PCDHGB1: variants seen among roughly 807,000 people sequenced by gnomAD.
PCDHGB1 encodes the protein protocadherin gamma-B1.
In PCDHGB1, 34 loss-of-function variants were observed where a neutral mutation model predicts 56.6. The observed-to-expected ratio is 0.60, with a 90% CI of 0.46 to 0.80. The LOEUF (loss-of-function observed/expected upper bound fraction) is 0.80, where lower values mean the gene tolerates loss of function less well. Among genes scored for constraint, PCDHGB1 ranks in the 30% least tolerant of loss-of-function variants. The probability of loss-of-function intolerance (pLI) is 0.00; values close to 1 mark genes in which losing one functional copy is unlikely to be tolerated. For synonymous variants in PCDHGB1, 561 were observed against 505.9 expected (o/e 1.11, Z -1.46); for missense variants, 1,278 against 1,204.6 (o/e 1.06, Z -0.90).
In PCDHGB1 at chr5:141,476,235, A is replaced by G; in HGVS notation, c.2410-18572A>G. ...GTCATTCACTATGAGATCCCGGAGG[A>G]AAGAGAGAAGGGTTTCGCTGTGGGC... is the stretch of plus-strand genomic sequence containing the variant. On this transcript the variant is annotated intron_variant, in intron 1 of 3. Coordinates refer to ENST00000523390, the MANE Select transcript of PCDHGB1 (RefSeq NM_018922.3). The surrounding 1 kb of genome is among the most constrained non-coding windows in gnomAD (Gnocchi z 7.6). 2 of 1,613,844 alleles carry G rather than the reference A, an allele frequency of 1.2e-6. No homozygotes were observed. Among genetic ancestry groups the G allele is most frequent in the Admixed American group, 1.7e-5 (1 of 59,990 alleles).
chr5:141,398,857 C>T (rs749773693), intron 1 of PCDHGB1: 15 of 1,613,800 alleles, frequency 9.3e-6, no homozygotes, highest in African/African-American at 1.3e-5. Flanking sequence ...GGTATTCAAC[C>T]GAGACGTGTA....
At chr5:141,370,437 CG>C (rs1561546503) in intron 1 of PCDHGB1, 6 of 1,603,792 alleles carry the variant, frequency 3.7e-6, no homozygotes, top group Non-Finnish European at 5.1e-6. Context: ...AGGGCAGAGG[CG>C]AATGCTATTT....
At chr5:141,371,995 C>T in intron 1 of PCDHGB1, 2 of 1,613,264 alleles carry the variant, frequency 1.2e-6, no homozygotes, top group Non-Finnish European at 1.7e-6. Context: ...ACTCTGCAGG[C>T]CCGCGACCAG....
intron 1 of PCDHGB1, chr5:141,414,797 G>A: frequency 6.2e-7 from 1 of 1,614,230 alleles, no homozygotes. Context: ...GCCAGCGACA[G>A]CGGGGATCCT....
chr5:141,463,041 G>C (rs1383781857), intron 1 of PCDHGB1, among the ~76,000 whole-genome samples: 1 of 152,114 alleles, frequency 6.6e-6, no homozygotes, highest in African/African-American at 2.4e-5. Flanking sequence ...TGAGTGTTCA[G>C]CAGGGTCTCT....
chr5:141,381,910 A>G (rs1007248325), intron 1 of PCDHGB1, among the ~76,000 whole-genome samples: 10 of 130,320 alleles, frequency 7.7e-5, no homozygotes, highest in Admixed American at 5.1e-4. Context: ...GCTCACCACA[A>G]CCTCCACCTC....
intron 1 of PCDHGB1, chr5:141,478,139 G>A: frequency 6.2e-7 from 1 of 1,614,040 alleles, no homozygotes; most frequent in Non-Finnish European, 8.5e-7. Context: ...TGAAGCCCGA[G>A]CCGAGTTCCC....
intron 1 of PCDHGB1, chr5:141,355,329 A>T: frequency 6.2e-7 from 1 of 1,614,020 alleles, no homozygotes; most frequent in Non-Finnish European, 8.5e-7. Context: ...AAGAAGGCTC[A>T]GTGGTGGGCA....
At chr5:141,364,717 C>G in intron 1 of PCDHGB1, 1 of 1,613,970 alleles carries the variant, frequency 6.2e-7, no homozygotes, top group Non-Finnish European at 8.5e-7. Flanking sequence ...TTAATGATAA[C>G]TTCCCGCGTT....
At chr5:141,450,702 G>A (rs1466981422) in intron 1 of PCDHGB1, among the ~76,000 whole-genome samples, 1 of 152,026 alleles carries the variant, frequency 6.6e-6, no homozygotes, top group Non-Finnish European at 1.5e-5. Flanking sequence ...GCCCAGGATG[G>A]TCTCCAACTC....
intron 1 of PCDHGB1, chr5:141,383,199 G>T (rs574670513): frequency 6.2e-7 from 1 of 1,614,040 alleles, no homozygotes; most frequent in South Asian, 1.1e-5. Flanking sequence ...CTCAGAGTGC[G>T]CGGTGTCTGG....
At chr5:141,398,267 T>G (rs757957397) in intron 1 of PCDHGB1, 2 of 1,435,108 alleles carry the variant, frequency 1.4e-6, no homozygotes, top group East Asian at 2.5e-5. Context: ...GGCTCCGTAG[T>G]GGGGAACCTC....
intron 1 of PCDHGB1, among the ~76,000 whole-genome samples, chr5:141,382,039 G>T (rs2150197834): frequency 6.6e-6 from 1 of 151,922 alleles, no homozygotes; most frequent in Non-Finnish European, 1.5e-5. Flanking sequence ...ATGTTGGTCA[G>T]GCTGGTCTCA....
intron 1 of PCDHGB1, chr5:141,355,879 A>G: frequency 6.2e-7 from 1 of 1,613,334 alleles, no homozygotes; most frequent in Non-Finnish European, 8.5e-7. Context: ...TGGCACTGCC[A>G]GGATTCTCAT....
chr5:141,389,171 C>G (rs772221999), intron 1 of PCDHGB1: 11 of 1,613,892 alleles, frequency 6.8e-6, no homozygotes, highest in Admixed American at 3.3e-5. Context: ...GCAAGCCTCC[C>G]CTCTCCTCCA....
In PCDHGB1 at chr5:141,419,061, A is replaced by G. The variant is rs747692559; in HGVS notation, c.2409+66392A>G. 5.0e-6 allele frequency: 8 copies of G among 1,613,964 alleles called. No homozygotes were observed. In the Admixed American group the frequency reaches 1.3e-4, roughly 27 times the overall value. ...AAGATTCATTCTTCTTCTAATAATT[A>G]CTACAAGCTAGTAACAGATGAGGCC... On this transcript the variant is annotated intron_variant, in intron 1 of 3. Transcript: ENST00000523390.
intron 1 of PCDHGB1, 32 bp downstream of exon 1, chr5:141,352,701 A>G (rs1213639147): frequency 6.5e-7 from 1 of 1,549,094 alleles, no homozygotes; most frequent in South Asian, 1.2e-5. Flanking sequence ...TAAATTTTAT[A>G]TATGGCGGCC....
Position 141,511,186 on chromosome 5 carries a change from G to A in PCDHGB1, c.*13G>A. 1 of 1,613,906 alleles carries A rather than the reference G, an allele frequency of 6.2e-7. No individual in the cohort carries two copies. The highest frequency in any genetic ancestry group is 8.5e-7 in the Non-Finnish European group (1 of 1,179,890). ...GGAGAAGAAGTAACATGGAGGCCAG[G>A]CCAAGAGCCACAGGGCGGCCTCTCC... On this transcript the variant is annotated 3_prime_UTR_variant, in exon 4 of 4. Transcript: ENST00000523390.
chr5:141,405,477 T>A, intron 1 of PCDHGB1: 1 of 1,025,232 alleles, frequency 9.8e-7, no homozygotes, highest in Non-Finnish European at 1.4e-6. Context: ...TGGAATGCAG[T>A]GGTGTGATCT....
Sources: gnomAD v4.1 joint callset for allele counts (sites outside exome capture counted in the v4.1 genomes callset) on GRCh38, gnomAD v4.1.1 for gene constraint, Gnocchi (gnomAD v3.1) non-coding constraint, MANE v1.5 for transcripts, NCBI Gene and HGNC (gene_info 2026-07-23, HGNC 2026-07-21) for gene names.